OR8A1: variants seen among roughly 807,000 people sequenced by gnomAD.
OR8A1 encodes the protein olfactory receptor 8A1.
A neutral mutation model predicts 13.4 loss-of-function variants in OR8A1; 5 were observed. The observed-to-expected ratio is 0.37, with a 90% CI of 0.19 to 0.78. The LOEUF is 0.78. Among genes scored for constraint, OR8A1 ranks in the 30% least tolerant of loss-of-function variants. The pLI is 0.47. For missense variants in OR8A1, 354 were observed against 374.8 expected (o/e 0.94, Z 0.46); for synonymous variants, 156 against 150.4 (o/e 1.04, Z -0.27).
In OR8A1 at chr11:124,571,000, A is replaced by G. The variant is rs1365143930; in HGVS notation, c.881A>G (p.Lys294Arg). Residue 294 changes from lysine to arginine, a missense_variant, in exon 1 of 1, where the codon AAG becomes AGG. Lys to Arg is a conservative substitution (Grantham distance 26). Transcript: ENST00000284287. Reference sequence around the variant, plus strand: ...CCCCTAATCTACAGCCTGAGGAACAAGGAAGTAAAGGCTGCCGTGCAGAAA... The same window carrying G: ...CCCCTAATCTACAGCCTGAGGAACAGGGAAGTAAAGGCTGCCGTGCAGAAA... The part of the protein sequence containing the change: ...LNPLIYSLRN[K>R]EVKAAVQKTL... 4.3e-6 allele frequency: 7 copies of G among 1,613,890 alleles called. No homozygotes were observed. The South Asian group carries it at 4.4e-5, about 10-fold the overall frequency.
Position 124,571,027 on chromosome 11 carries a change from C to T in OR8A1, c.908C>T (p.Thr303Met), listed in dbSNP as rs59034440. Residue 303 changes from threonine (T) to methionine (M), a missense_variant, in exon 1 of 1, where the codon ACG (threonine) becomes ATG (methionine). Thr to Met is a moderately conservative substitution (Grantham distance 81). Transcript: ENST00000284287. ...GAAGTAAAGGCTGCCGTGCAGAAAA[C>T]GCTGAGGGGTAAACTGTTTTGATGC... Reference protein sequence around the residue: ...NKEVKAAVQKTLRGKLF With the variant: ...NKEVKAAVQKMLRGKLF 2.4e-3 allele frequency: 3,900 copies of T among 1,612,418 alleles called. 95 individuals carry two copies. In the African/African-American group the frequency reaches 0.046, roughly 19 times the overall value.
rs774238581 is a variant in OR8A1, at chr11:124,570,013, A to G, written c.-107A>G. ...GGGAGGATGCATCAGCAGAGAGCCCAGGATGTTTCACTAGCACCAAAGGCT... is the reference window on the plus strand; with the variant it reads ...GGGAGGATGCATCAGCAGAGAGCCCGGGATGTTTCACTAGCACCAAAGGCT... On this transcript the variant is annotated 5_prime_UTR_variant, in exon 1 of 1. Coordinates refer to ENST00000284287, the MANE Select transcript of OR8A1 (RefSeq NM_001005194.2). The G allele has an allele frequency of 3.1e-5, 48 of 1,543,292 alleles. No individual in the cohort carries two copies. The highest frequency in any genetic ancestry group is 7.9e-6 in the Non-Finnish European group (9 of 1,144,826).
At position 124,571,181 on chromosome 11, in the gene OR8A1, C is replaced by T. The variant is rs570331097; in HGVS notation, c.*132C>T. 1.2e-5 allele frequency: 9 copies of T among 762,660 alleles called. No homozygotes were observed. The African/African-American group carries it at 1.4e-4, about 12-fold the overall frequency. 47.2% of individuals were successfully genotyped at this position (762,660 alleles called of 1,614,324 possible). Reference sequence around the variant, plus strand: ...CATGGCTGGGTGAATGGGCATTTTTCCTTCTTTCCTCTTCCTTCCCTCTTC... The same window carrying T: ...CATGGCTGGGTGAATGGGCATTTTTTCTTCTTTCCTCTTCCTTCCCTCTTC... On this transcript the variant is annotated 3_prime_UTR_variant, in exon 1 of 1. Coordinates refer to ENST00000284287, the MANE Select transcript of OR8A1 (RefSeq NM_001005194.2).
Position 124,570,956 on chromosome 11 carries a change from G to T in OR8A1, c.837G>T (p.Thr279=). ...QENVASVFYT[T]VIPMLNPLIY... is the part of the protein sequence containing the mutation. ...ATGTGGCCTCTGTGTTCTACACCAC[G>T]GTAATCCCCATGTTGAATCCCCTAA... The change falls in exon 1 of 1, where the codon ACG becomes ACT. Residue 279 remains threonine (T), a synonymous_variant. Transcript: ENST00000284287. The T allele has an allele frequency of 6.2e-7, 1 of 1,613,968 alleles. No homozygotes were observed. The highest frequency in any genetic ancestry group is 8.5e-7 in the Non-Finnish European group (1 of 1,179,950).
Position 124,571,154 on chromosome 11 carries a change from C to A in OR8A1, c.*105C>A. On this transcript the variant is annotated 3_prime_UTR_variant, in exon 1 of 1. Coordinates refer to ENST00000284287, the MANE Select transcript of OR8A1 (RefSeq NM_001005194.2). ...TGTGGATGGAAAATAATCACTTCTC[C>A]ACATGGCTGGGTGAATGGGCATTTT... is the stretch of plus-strand genomic sequence containing the variant. 3 of 1,111,152 alleles carry A rather than the reference C, an allele frequency of 2.7e-6. No individual in the cohort carries two copies. Among genetic ancestry groups the A allele is most frequent in the Non-Finnish European group, 2.5e-6 (2 of 789,380 alleles). The allele number at this position is 1,111,152 out of a possible 1,614,324, so 68.8% of individuals were successfully genotyped here. A position where few individuals can be genotyped will look rare whatever the true frequency, so the allele number is the denominator to read the frequency against.
Position 124,570,617 on chromosome 11 carries a change from G to A in OR8A1, c.498G>A (p.Leu166=). ...TAGAAACTGGCCTCATGTTAAAACT[G>A]CCCTATTGTGAGCACCTCATCAGTC... ...STIETGLMLK[L]PYCEHLISHY... The change falls in exon 1 of 1, where the codon CTG becomes CTA. Residue 166 remains leucine, a synonymous_variant. Coordinates refer to ENST00000284287, the MANE Select transcript of OR8A1 (RefSeq NM_001005194.2). 1 of 1,614,034 alleles carries A rather than the reference G, an allele frequency of 6.2e-7. No homozygotes were observed. Among genetic ancestry groups the A allele is most frequent in the Non-Finnish European group, 8.5e-7 (1 of 1,179,986 alleles).
chr11:124,570,493 C>A lies in OR8A1; in HGVS notation c.374C>A (p.Ala125Asp), dbSNP rs61750763. The A allele has an allele frequency of 2.8e-4, 455 of 1,614,048 alleles. 2 individuals carry two copies. The African/African-American group carries it at 5.1e-3, about 18-fold the overall frequency. ...GTGATGGCCTACGACCGCTATGTTG[C>A]CATCTGCCACCCTTTGCTTTACAAC... ...LTVMAYDRYV[A>D]ICHPLLYNII... Residue 125 changes from alanine (A) to aspartate (D), a missense_variant, in exon 1 of 1, where the codon GCC (alanine) becomes GAC (aspartate). Coordinates refer to ENST00000284287, the MANE Select transcript of OR8A1 (RefSeq NM_001005194.2).
At position 124,570,192 on chromosome 11, in the gene OR8A1, C is replaced by T. The variant is rs376093620; in HGVS notation, c.73C>T (p.Leu25Phe). The stretch of plus-strand genomic sequence containing the variant: ...TTTAACGAAGAGAGCAGACCTCCAG[C>T]TCCCCCTCTTTCTCCTCTTCCTCGG... ...KGLTKRADLQ[L>F]PLFLLFLGIY... Residue 25 changes from leucine to phenylalanine, a missense_variant, in exon 1 of 1, where the codon CTC becomes TTC. Transcript: ENST00000284287. The T allele has an allele frequency of 1.7e-5, 28 of 1,614,044 alleles. No individual in the cohort carries two copies. The highest frequency in any genetic ancestry group is 2.3e-5 in the Non-Finnish European group (27 of 1,179,980).
chr11:124,570,181 C>G lies in OR8A1; in HGVS notation c.62C>G (p.Ala21Gly). The change falls in exon 1 of 1, where the codon GCA becomes GGA. Residue 21 changes from alanine (A) to glycine (G), a missense_variant. Transcript: ENST00000284287. ...ATTCTCAAGGGTTTAACGAAGAGAG[C>G]AGACCTCCAGCTCCCCCTCTTTCTC... Reference protein sequence around the residue: ...EFILKGLTKRADLQLPLFLLF... With the variant: ...EFILKGLTKRGDLQLPLFLLF... 1.2e-6 allele frequency: 2 copies of G among 1,614,018 alleles called. No individual in the cohort carries two copies. Among genetic ancestry groups the G allele is most frequent in the East Asian group, 2.2e-5 (1 of 44,864 alleles).
rs1862682504 is a variant in OR8A1, at chr11:124,571,298, G to C, written c.*249G>C. On this transcript the variant is annotated 3_prime_UTR_variant, in exon 1 of 1. Transcript: ENST00000284287. ...TTCTCTTTGAAGCCAGCCAACTTCA[G>C]GTTCAGGTTTTCTTTCACTTGAGAT... 2.1e-6 allele frequency: 1 copy of C among 473,888 alleles called. No homozygotes were observed. Among genetic ancestry groups the C allele is most frequent in the Admixed American group, 3.9e-5 (1 of 25,904 alleles). 29.4% of individuals were successfully genotyped at this position (473,888 alleles called of 1,614,324 possible). A position where few individuals can be genotyped will look rare whatever the true frequency, so the allele number is the denominator to read the frequency against.
In OR8A1 at chr11:124,570,049, C is replaced by G; in HGVS notation, c.-71C>G. ...CTAGCACCAAAGGCTCAAGACTAGC[C>G]GTCCAAGATTAGCCTTTTAATGGGG... On this transcript the variant is annotated 5_prime_UTR_variant, in exon 1 of 1. Coordinates refer to ENST00000284287, the MANE Select transcript of OR8A1 (RefSeq NM_001005194.2). 6.3e-7 allele frequency: 1 copy of G among 1,586,672 alleles called. No homozygotes were observed.
At position 124,571,005 on chromosome 11, in the gene OR8A1, G is replaced by A; in HGVS notation, c.886G>A (p.Val296Ile). 1 of 1,613,790 alleles carries A rather than the reference G, an allele frequency of 6.2e-7. No homozygotes were observed. The highest frequency in any genetic ancestry group is 8.5e-7 in the Non-Finnish European group (1 of 1,179,858). Residue 296 changes from valine (V) to isoleucine (I), a missense_variant, in exon 1 of 1, where the codon GTA (valine) becomes ATA (isoleucine). Physicochemically the swap from Val to Ile is conservative, Grantham distance 29 (BLOSUM62 3). Transcript: ENST00000284287. ...AATCTACAGCCTGAGGAACAAGGAAGTAAAGGCTGCCGTGCAGAAAACGCT... is the reference window on the plus strand; with the variant it reads ...AATCTACAGCCTGAGGAACAAGGAAATAAAGGCTGCCGTGCAGAAAACGCT... Reference protein sequence around the residue: ...PLIYSLRNKEVKAAVQKTLRG... With the variant: ...PLIYSLRNKEIKAAVQKTLRG...
Position 124,570,602 on chromosome 11 carries a change from C to A in OR8A1, c.483C>A (p.Gly161=), listed in dbSNP as rs114784597. ...IGLIGSTIET[G]LMLKLPYCEH... Reference sequence around the variant, plus strand: ...TCATTGGCTCCACAATAGAAACTGGCCTCATGTTAAAACTGCCCTATTGTG... The same window carrying A: ...TCATTGGCTCCACAATAGAAACTGGACTCATGTTAAAACTGCCCTATTGTG... Residue 161 remains glycine, a synonymous_variant, in exon 1 of 1, where the codon GGC becomes GGA. Transcript: ENST00000284287. 124 of 1,614,058 alleles carry A rather than the reference C, an allele frequency of 7.7e-5. No homozygotes were observed. The African/African-American group carries it at 1.2e-3, about 16-fold the overall frequency.
In OR8A1 at chr11:124,570,915, TC is replaced by T. The variant is rs754514477; in HGVS notation, c.798del (p.Leu267Ter). ...FMYLKPSTIS[S>X]LTQENVASVF... ...GTACTTAAAACCCTCCACAATCAGT[TC>T]CTTGACCCAGGAGAATGTGGCCTCT... On this transcript the variant is annotated frameshift_variant, in exon 1 of 1. Coordinates refer to ENST00000284287, the MANE Select transcript of OR8A1 (RefSeq NM_001005194.2). LOFTEE classifies it high-confidence loss of function. 3 of 1,614,082 alleles carry T rather than the reference TC, an allele frequency of 1.9e-6. No individual in the cohort carries two copies. The South Asian group carries it at 3.3e-5, about 18-fold the overall frequency.
chr11:124,571,020 C>A lies in OR8A1; in HGVS notation c.901C>A (p.Gln301Lys), dbSNP rs764567531. 1 of 1,612,886 alleles carries A rather than the reference C, an allele frequency of 6.2e-7. No homozygotes were observed. The highest frequency in any genetic ancestry group is 8.5e-7 in the Non-Finnish European group (1 of 1,179,512). The change falls in exon 1 of 1, where the codon CAG becomes AAG. Residue 301 changes from glutamine to lysine, a missense_variant. Transcript: ENST00000284287. Reference sequence around the variant, plus strand: ...GAACAAGGAAGTAAAGGCTGCCGTGCAGAAAACGCTGAGGGGTAAACTGTT... The same window carrying A: ...GAACAAGGAAGTAAAGGCTGCCGTGAAGAAAACGCTGAGGGGTAAACTGTT... ...LRNKEVKAAV[Q>K]KTLRGKLF
In OR8A1 at chr11:124,570,297, T is replaced by C. The variant is rs1158672615; in HGVS notation, c.178T>C (p.Tyr60His). ...CLNSQLHTPM[Y>H]YFLSNLSLMD... is the part of the protein sequence containing the mutation. ...GAACTCTCAGCTGCACACCCCCATG[T>C]ACTACTTTCTCAGCAATCTGTCACT... The change falls in exon 1 of 1, where the codon TAC (tyrosine) becomes CAC (histidine). Residue 60 changes from tyrosine (Y) to histidine (H), a missense_variant. Tyr to His is a moderately conservative substitution (Grantham distance 83). Coordinates refer to ENST00000284287, the MANE Select transcript of OR8A1 (RefSeq NM_001005194.2). The C allele has an allele frequency of 6.2e-7, 1 of 1,614,144 alleles. No individual in the cohort carries two copies. Among genetic ancestry groups the C allele is most frequent in the Admixed American group, 1.7e-5 (1 of 59,996 alleles).
Position 124,570,466 on chromosome 11 carries a change from C to T in OR8A1, c.347C>T (p.Thr116Ile), listed in dbSNP as rs55861866. Residue 116 changes from threonine (T) to isoleucine (I), a missense_variant, in exon 1 of 1, where the codon ACA (threonine) becomes ATA (isoleucine). Physicochemically the swap from Thr to Ile is moderately conservative, Grantham distance 89. Coordinates refer to ENST00000284287, the MANE Select transcript of OR8A1 (RefSeq NM_001005194.2). ...VFVIAECYMLTVMAYDRYVAI... is the reference protein window; with the variant it reads ...VFVIAECYMLIVMAYDRYVAI... ...GTCATTGCTGAGTGTTACATGCTGA[C>T]AGTGATGGCCTACGACCGCTATGTT... is the stretch of plus-strand genomic sequence containing the variant. 3 of 1,613,822 alleles carry T rather than the reference C, an allele frequency of 1.9e-6. No individual in the cohort carries two copies. The highest frequency in any genetic ancestry group is 1.3e-5 in the African/African-American group (1 of 74,884).
chr11:124,571,062 T>G lies in OR8A1; in HGVS notation c.*13T>G, dbSNP rs560727145. The G allele has an allele frequency of 1.3e-6, 2 of 1,594,508 alleles. No individual in the cohort carries two copies. The highest frequency in any genetic ancestry group is 2.2e-5 in the East Asian group (1 of 44,628). On this transcript the variant is annotated 3_prime_UTR_variant, in exon 1 of 1. Transcript: ENST00000284287. ...TAAACTGTTTTGATGCAAATGTTAT[T>G]GTTCCTTTTCAATTTAGTGGTAATT...
At position 124,570,340 on chromosome 11, in the gene OR8A1, C is replaced by T. The variant is rs773402423; in HGVS notation, c.221C>T (p.Ser74Phe). 1.2e-6 allele frequency: 2 copies of T among 1,613,992 alleles called. No individual in the cohort carries two copies. Among genetic ancestry groups the T allele is most frequent in the Non-Finnish European group, 8.5e-7 (1 of 1,180,026 alleles). The change falls in exon 1 of 1, where the codon TCC (serine) becomes TTC (phenylalanine). Residue 74 changes from serine to phenylalanine, a missense_variant. Physicochemically the swap from Ser to Phe is radical, Grantham distance 155. Transcript: ENST00000284287. ...SNLSLMDLCY[S>F]SVITPKMLVN... is the part of the protein sequence containing the mutation. ...CTGTCACTCATGGATCTCTGCTACT[C>T]CTCCGTCATTACCCCTAAGATGCTG...
Sources: allele counts gnomAD v4.1 joint callset, GRCh38; gene constraint gnomAD v4.1.1; transcripts MANE v1.5; gene names NCBI Gene and HGNC (gene_info 2026-07-23, HGNC 2026-07-21).